NFIB: variants seen among roughly 807,000 people sequenced by gnomAD.
NFIB encodes nuclear factor 1 B-type.
In NFIB, 11 loss-of-function variants were observed where a neutral mutation model predicts 61.5. The observed-to-expected ratio is 0.18, with a 90% confidence interval of 0.11 to 0.30. The LOEUF (loss-of-function observed/expected upper bound fraction) is 0.30, where lower values mean the gene tolerates loss of function less well. Among genes scored for constraint, NFIB ranks in the 10% least tolerant of loss-of-function variants. The pLI, the probability that NFIB is intolerant of heterozygous loss-of-function variation, is 1.00. For synonymous variants in NFIB, 260 were observed against 216.5 expected (o/e 1.20, Z -1.76); for missense variants, 471 against 608.9 (o/e 0.77, Z 2.38).
At chr9:14,334,996 AT>A (rs777810209) in intron 1 of NFIB, among the ~76,000 whole-genome samples, 1 of 152,222 alleles carries the variant, frequency 6.6e-6, no homozygotes, top group Non-Finnish European at 1.5e-5. Flanking sequence ...ATATTCATCC[AT>A]GTTGTTGTAA....
the NFIB span, among the ~76,000 whole-genome samples, chr9:14,514,197 T>C: frequency 3.9e-5 from 6 of 152,146 alleles, no homozygotes; most frequent in East Asian, 7.7e-4. Context: ...AGCTCTATTA[T>C]AGGAATGCAA....
At chr9:14,134,670 T>C (rs529844048) in intron 6 of NFIB, among the ~76,000 whole-genome samples, 2 of 151,846 alleles carry the variant, frequency 1.3e-5, no homozygotes, top group African/African-American at 4.8e-5. Context: ...GGCGGGTGGA[T>C]CAAGTCACCT....
intron 2 of NFIB, among the ~76,000 whole-genome samples, chr9:14,276,865 G>C (rs1390899829): frequency 6.6e-6 from 1 of 151,822 alleles, no homozygotes; most frequent in Non-Finnish European, 1.5e-5. Flanking sequence ...CAGATTATGT[G>C]CTTTTTTAAA....
chr9:14,260,984 G>T (rs1489418507), intron 2 of NFIB, among the ~76,000 whole-genome samples: 1 of 39,106 alleles, frequency 2.6e-5, no homozygotes. Flanking sequence ...GTGGAATCCA[G>T]GAAAGGAGGA....
intron 2 of NFIB, among the ~76,000 whole-genome samples, chr9:14,250,049 T>C (rs75461845): frequency 0.014 from 2,091 of 152,336 alleles, 40 homozygotes; most frequent in African/African-American, 0.046. Context: ...TCTTCTTTTC[T>C]TGATAAGTCT....
At chr9:14,523,925 T>G in the NFIB span, among the ~76,000 whole-genome samples, 1 of 152,174 alleles carries the variant, frequency 6.6e-6, no homozygotes, top group Admixed American at 6.5e-5. Context: ...AATTTCATCA[T>G]AATTCCAACA....
the NFIB span, among the ~76,000 whole-genome samples, chr9:14,466,527 A>T: frequency 5.9e-5 from 9 of 152,262 alleles, no homozygotes; most frequent in African/African-American, 2.2e-4. Context: ...GGCCAGAGGA[A>T]AAAGCAATGG....
intron 2 of NFIB, among the ~76,000 whole-genome samples, chr9:14,239,670 G>A (rs2054153904): frequency 6.6e-6 from 1 of 152,164 alleles, no homozygotes; most frequent in Non-Finnish European, 1.5e-5. Flanking sequence ...TGATATCCAT[G>A]TGATCAATGA....
rs1187804458 is a variant in NFIB, at chr9:14,148,767, T to C, written c.806+1378A>G. On this transcript the variant is annotated intron_variant, in intron 5 of 10. Coordinates refer to ENST00000380953, the MANE Select transcript of NFIB (RefSeq NM_001190737.2). ...ATTTGTAGATACTCATGATTAATAT[T>C]TGACTCACAATTCTCAGAGTATTAA... Among the ~76,000 whole-genome samples, 4 of 152,188 alleles carry C rather than the reference T, an allele frequency of 2.6e-5. No homozygotes were observed. The East Asian group carries it at 7.7e-4, about 29-fold the overall frequency.
the NFIB span, among the ~76,000 whole-genome samples, chr9:14,492,075 A>G: frequency 2.0e-5 from 3 of 152,174 alleles, no homozygotes; most frequent in Admixed American, 2.0e-4. Context: ...ATTTAAAAAG[A>G]AAAGAGAGCC....
intron 2 of NFIB, among the ~76,000 whole-genome samples, chr9:14,231,131 A>AT (rs1252546393): frequency 3.4e-3 from 259 of 75,352 alleles, no homozygotes; most frequent in South Asian, 4.8e-3. Context: ...AAAAAAAAAA[A>AT]AAAAATATAT....
At chr9:14,216,546 CTGTGTGTGTGTGTGTG>C (rs372536644) in intron 2 of NFIB, among the ~76,000 whole-genome samples, 73 of 21,528 alleles carry the variant, frequency 3.4e-3, no homozygotes, top group African/African-American at 0.016. Flanking sequence ...CTCTCTCCCT[CTGTGTGTGTGTGTGTG>C]TGTGTGTGTG....
chr9:14,258,540 T>C (rs547826712), intron 2 of NFIB, among the ~76,000 whole-genome samples: 1 of 152,366 alleles, frequency 6.6e-6, no homozygotes, highest in African/African-American at 2.4e-5. Context: ...CTGTGAATTC[T>C]TTCTGCTGCT....
At chr9:14,429,968 T>G in the NFIB span, among the ~76,000 whole-genome samples, 2 of 152,240 alleles carry the variant, frequency 1.3e-5, no homozygotes, top group Admixed American at 1.3e-4. Context: ...TGAATTCAAT[T>G]TATGACTTAA....
chr9:14,270,025 G>C (rs1336401758), intron 2 of NFIB, among the ~76,000 whole-genome samples: 4 of 152,104 alleles, frequency 2.6e-5, no homozygotes, highest in African/African-American at 9.7e-5. Context: ...CCTCCATCCA[G>C]CAAGTTATTC....
At chr9:14,444,779 A>C in the NFIB span, among the ~76,000 whole-genome samples, 1 of 152,344 alleles carries the variant, frequency 6.6e-6, no homozygotes, top group East Asian at 1.9e-4. Flanking sequence ...AATTTAGACA[A>C]GAAAAATAAG....
rs1367695243 is a variant in NFIB at position 14,313,236 on chromosome 9, G to A, written c.30+246C>T. On this transcript the variant is annotated intron_variant, in intron 1 of 10. Coordinates refer to ENST00000380953, the MANE Select transcript of NFIB (RefSeq NM_001190737.2). The surrounding 1 kb of genome is among the most constrained non-coding windows in gnomAD (Gnocchi z 4.5). ...GTCCCGGCCCTGCCCACCCCCCGGC[G>A]GCCTTGCCCGGCCCAGCGCCCGCGC... 6.6e-6 allele frequency among the ~76,000 whole-genome samples: 1 copy of A among 151,500 alleles called. No individual in the cohort carries two copies. The highest frequency in any genetic ancestry group is 1.5e-5 in the Non-Finnish European group (1 of 67,884).
the NFIB span, among the ~76,000 whole-genome samples, chr9:14,462,808 G>A: frequency 6.6e-6 from 1 of 152,156 alleles, no homozygotes; most frequent in Non-Finnish European, 1.5e-5. Flanking sequence ...AGAAAGTTCT[G>A]GGATTCTAGC....
intron 2 of NFIB, among the ~76,000 whole-genome samples, chr9:14,270,744 G>A (rs2057545291): frequency 1.3e-5 from 2 of 152,114 alleles, no homozygotes; most frequent in African/African-American, 2.4e-5. Flanking sequence ...AGTAGGGAAT[G>A]CTCAGTGAAA....
Sources: allele counts gnomAD v4.1 joint callset (sites outside exome capture counted in the v4.1 genomes callset), GRCh38; gene constraint gnomAD v4.1.1; non-coding constraint Gnocchi (gnomAD v3.1); transcripts MANE v1.5; gene names NCBI Gene and HGNC (gene_info 2026-07-23, HGNC 2026-07-21).